The following DDX59 variants were observed in gnomAD, a reference collection of about 807,000 sequenced individuals.
DDX59 encodes the protein DEAD-box helicase 59, also known as probable ATP-dependent RNA helicase DDX59.
Under a neutral mutation model 51.9 loss-of-function variants are expected in DDX59, and 30 were observed. That is an observed-to-expected ratio of 0.58 (90% CI 0.43 to 0.78). The LOEUF (loss-of-function observed/expected upper bound fraction) is 0.78, where lower values mean the gene tolerates loss of function less well. Ranked by LOEUF, DDX59 falls within the 30% of genes least tolerant of loss-of-function variation. DDX59 has a pLI of 0.00. For synonymous variants in DDX59, 255 were observed against 253.3 expected (o/e 1.01, Z -0.06); for missense variants, 672 against 730.8 (o/e 0.92, Z 0.93).
At chr1:200,644,623 C>CAGTA in intron 7 of DDX59, 106 bp from the exon 8 acceptor site, 1 of 1,359,388 alleles carries the variant, frequency 7.4e-7, no homozygotes, top group Non-Finnish European at 9.7e-7. Context: ...TGGCTGGGTG[C>CAGTA]AGTGGCTCAC....
At chr1:200,655,061 C>A (rs951724632) in intron 4 of DDX59, 6 of 152,102 alleles carry the variant, frequency 3.9e-5, no homozygotes, top group Non-Finnish European at 8.8e-5. Context: ...TCGGCAACCT[C>A]CTGAGCCAGA....
Position 200,664,632 on chromosome 1 carries a change from C to T in DDX59, c.805-546G>A, listed in dbSNP as rs112941012. Among the ~76,000 whole-genome samples the T allele has an allele frequency of 5.5e-4, 83 of 151,768 alleles. 1 individual carries two copies. The highest frequency in any genetic ancestry group is 1.9e-3 in the African/African-American group (78 of 41,390). Reference sequence around the variant, plus strand: ...TTTTCTCACACTATCTTCTACTACTCTTTAGTTTTCCAATTTTTTCTCCTT... The same window carrying T: ...TTTTCTCACACTATCTTCTACTACTTTTTAGTTTTCCAATTTTTTCTCCTT... On this transcript the variant is annotated intron_variant, in intron 2 of 7. Transcript: ENST00000331314.
At chr1:200,663,195 C>T (rs1189463312) in intron 3 of DDX59, among the ~76,000 whole-genome samples, 1 of 152,142 alleles carries the variant, frequency 6.6e-6, no homozygotes, top group Non-Finnish European at 1.5e-5. Context: ...TCGCCAGGGC[C>T]GCCCTACCAC....
chr1:200,648,601 A>G, intron 6 of DDX59, 34 bp from the exon 7 acceptor site: 2 of 1,589,506 alleles, frequency 1.3e-6, no homozygotes, highest in Non-Finnish European at 1.7e-6. Flanking sequence ...TATTATTCAG[A>G]ATTTATTTTG....
chr1:200,649,646 CAAAACACAAAATGAAAAAAAA>C (rs1558116739), intron 5 of DDX59, among the ~76,000 whole-genome samples: 3 of 135,224 alleles, frequency 2.2e-5, no homozygotes, highest in African/African-American at 8.3e-5. Flanking sequence ...AAAAAAAACA[CAAAACACAAAATGAAAAAAAA>C]GGCATATTGT....
chr1:200,648,387 T>C (rs1661430431), intron 7 of DDX59, 52 bp downstream of exon 7: 1 of 1,605,052 alleles, frequency 6.2e-7, no homozygotes, highest in African/African-American at 1.3e-5. Flanking sequence ...TGACAATGCC[T>C]TTCCCAATAA....
intron 5 of DDX59, 81 bp from the exon 6 acceptor site, chr1:200,649,307 A>T: frequency 1.5e-6 from 2 of 1,305,410 alleles, no homozygotes; most frequent in Non-Finnish European, 2.1e-6. Context: ...GATTATCACA[A>T]GCTAGTTATC....
rs1558131895 is a variant in DDX59, at chr1:200,666,225, G to A, written c.516C>T (p.Pro172=). 5 of 1,614,194 alleles carry A rather than the reference G, an allele frequency of 3.1e-6. No individual in the cohort carries two copies. The highest frequency in any genetic ancestry group is 4.2e-6 in the Non-Finnish European group (5 of 1,180,024). ...LNASYVYKEH[P]FILNLQEDQI... ...GGTCTTCCTGAAGGTTCAAAATAAA[G>A]GGGTGCTCTTTGTAGACATAGGAAG... is the stretch of plus-strand genomic sequence containing the variant. Residue 172 remains proline (P), a synonymous_variant, in exon 2 of 8, where the codon CCC becomes CCT. Coordinates refer to ENST00000331314, the MANE Select transcript of DDX59 (RefSeq NM_001031725.6).
chr1:200,664,413 C>A (rs992242360), intron 2 of DDX59, among the ~76,000 whole-genome samples: 3 of 152,170 alleles, frequency 2.0e-5, no homozygotes, highest in African/African-American at 7.2e-5. Context: ...AAGAGAGAAC[C>A]CAATAGTCAC....
downstream of DDX59, among the ~76,000 whole-genome samples, chr1:200,642,791 T>C (rs914327566): frequency 1.3e-5 from 2 of 152,192 alleles, no homozygotes; most frequent in African/African-American, 4.8e-5. Flanking sequence ...TTAGGGGCTC[T>C]TTCCTCCACC....
chr1:200,661,383 TA>T (rs2102906106), intron 3 of DDX59, among the ~76,000 whole-genome samples: 1 of 152,264 alleles, frequency 6.6e-6, no homozygotes, highest in Non-Finnish European at 1.5e-5. Flanking sequence ...AAATATTTAC[TA>T]AACTCAAAGG....
At chr1:200,664,116 A>T in intron 2 of DDX59, 30 bp from the exon 3 acceptor site, 1 of 1,598,950 alleles carries the variant, frequency 6.3e-7, no homozygotes, top group East Asian at 2.3e-5. Context: ...AAGTTTAAAA[A>T]CACCAGCAAT....
At chr1:200,667,974 T>C (rs1323221052) in intron 1 of DDX59, among the ~76,000 whole-genome samples, 1 of 152,124 alleles carries the variant, frequency 6.6e-6, no homozygotes, top group Non-Finnish European at 1.5e-5. Context: ...ACACATTATA[T>C]ACACTCAGAA....
At chr1:200,658,961 T>C in intron 4 of DDX59, 66 bp downstream of exon 4, 1 of 1,347,228 alleles carries the variant, frequency 7.4e-7, no homozygotes, top group Non-Finnish European at 1.0e-6. Flanking sequence ...ACAATGAAAT[T>C]ATATAACTAT....
chr1:200,650,369 G>C lies in DDX59; in HGVS notation c.1314+56C>G, dbSNP rs1209322787. ...CAATCTCAAAATCATTCTCTTAAGA[G>C]CTGTGAAAAATGCAAACACAATCCA... On this transcript the variant is annotated intron_variant, in intron 5 of 7. Transcript: ENST00000331314. The C allele has an allele frequency of 2.0e-6, 3 of 1,534,308 alleles. No homozygotes were observed. In the African/African-American group the frequency reaches 4.1e-5, roughly 21 times the overall value.
chr1:200,651,890 TC>T (rs1661684825), intron 4 of DDX59, among the ~76,000 whole-genome samples: 2 of 151,262 alleles, frequency 1.3e-5, no homozygotes, highest in South Asian at 4.2e-4. Context: ...TGCCTATAGT[TC>T]CAGCTACTCG....
chr1:200,641,292 T>G, downstream of DDX59: 5 of 1,171,216 alleles, frequency 4.3e-6, no homozygotes, highest in Non-Finnish European at 5.7e-6. Context: ...TACTGGAAAA[T>G]ATGACAGGTC....
At chr1:200,641,048 T>TA, downstream of DDX59, 2 of 583,626 alleles carry the variant, frequency 3.4e-6, no homozygotes, top group South Asian at 3.3e-5. Context: ...AAGTATGCCT[T>TA]GGCGGCAACA....
At chr1:200,646,328 C>T (rs888316570) in intron 7 of DDX59, among the ~76,000 whole-genome samples, 3 of 151,594 alleles carry the variant, frequency 2.0e-5, no homozygotes, top group African/African-American at 4.9e-5. Context: ...AAGGAGACCC[C>T]GTCTCTTAAA....
Sources: allele counts gnomAD v4.1 joint callset (sites outside exome capture counted in the v4.1 genomes callset), GRCh38; gene constraint gnomAD v4.1.1; transcripts MANE v1.5; gene names NCBI Gene and HGNC (gene_info 2026-07-23, HGNC 2026-07-21).